Variants in CPNE6 observed in about 807,000 individuals in gnomAD.
CPNE6 encodes copine 6.
Under a neutral mutation model 71.5 loss-of-function variants are expected in CPNE6, and 33 were observed. The ratio of observed to expected loss-of-function variants is 0.46; its 90% confidence interval spans 0.35 to 0.62. The LOEUF (loss-of-function observed/expected upper bound fraction) is 0.62. CPNE6 is among the 20% of genes least tolerant of loss of function. The pLI is 0.00. For synonymous variants in CPNE6, 296 were observed against 293.0 expected, an observed-to-expected ratio of 1.01 and a Z score of -0.10; for missense variants, 576 against 747.3, an observed-to-expected ratio of 0.77 and a Z score of 2.67.
At position 24,074,578 on chromosome 14, in the gene CPNE6, C is replaced by T. The variant is rs143981627; in HGVS notation, c.546C>T (p.Asn182=). Residue 182 remains asparagine, a synonymous_variant, in exon 7 of 18, where the codon AAC becomes AAT. Transcript: ENST00000397016. This position sits in a 1 kb window ranked among gnomAD's most constrained non-coding sequence, Gnocchi z 4.5. ...CTTTCATGGAAATCTATAAGACCAA[C>T]GAGGACCAAAGTGATCAGCTGGTCT... The T allele has an allele frequency of 3.1e-3, 5,003 of 1,614,116 alleles. 76 individuals carry two copies. Among genetic ancestry groups the T allele is most frequent in the South Asian group, 0.031 (2,802 of 91,042 alleles).
In CPNE6 at chr14:24,077,801, G is replaced by A. The variant is rs891092524; in HGVS notation, c.*37+34G>A. 5.6e-5 allele frequency: 80 copies of A among 1,440,756 alleles called. No individual in the cohort carries two copies. Among genetic ancestry groups the A allele is most frequent in the Non-Finnish European group, 6.9e-5 (76 of 1,095,696 alleles). 89.2% of individuals were successfully genotyped at this position (1,440,756 alleles called of 1,614,324 possible). The stretch of plus-strand genomic sequence containing the variant: ...TGGGGCTTCCAAAGGAGTGGACACA[G>A]GGGGTGCAAAGTGGGGCTTGGTAGA... On this transcript the variant is annotated intron_variant, in intron 17 of 17. Coordinates refer to ENST00000397016, the Ensembl canonical transcript of CPNE6. This position sits in a 1 kb window ranked among gnomAD's most constrained non-coding sequence, Gnocchi z 6.1.
Position 24,074,897 on chromosome 14 carries a change from G to A in CPNE6, c.672+102G>A. ...CAAGCCTCCCTCCTCTCCCCCAAGT[G>A]ATAATCACATCCCACTGTGGGATAA... is the stretch of plus-strand genomic sequence containing the variant. On this transcript the variant is annotated intron_variant, in intron 8 of 17. Transcript: ENST00000397016. The surrounding 1 kb of genome is among the most constrained non-coding windows in gnomAD (Gnocchi z 4.5). 1 of 922,680 alleles carries A rather than the reference G, an allele frequency of 1.1e-6. No homozygotes were observed. The highest frequency in any genetic ancestry group is 1.7e-6 in the Non-Finnish European group (1 of 581,286). 57.2% of individuals were successfully genotyped at this position (922,680 alleles called of 1,614,324 possible). A position where few individuals can be genotyped will look rare whatever the true frequency, so the allele number is the denominator to read the frequency against.
rs201287113 is a variant in CPNE6, at chr14:24,074,060, C to T, written c.358C>T (p.Gln120Ter). The change falls in exon 5 of 18, where the codon CAA (glutamine) becomes TAA (stop). Residue 120 changes from glutamine (Q) to a stop codon, truncating the protein, a stop_gained. Transcript: ENST00000397016. LOFTEE classifies it high-confidence loss of function. This position sits in a 1 kb window ranked among gnomAD's most constrained non-coding sequence, Gnocchi z 4.5. ...CCACCTCCATCCCCAGATTGTGTCACAAACCAAGGTCACTAAGCCATTATT... is the reference window on the plus strand; with the variant it reads ...CCACCTCCATCCCCAGATTGTGTCATAAACCAAGGTCACTAAGCCATTATT... 1.2e-6 allele frequency: 2 copies of T among 1,614,160 alleles called. No homozygotes were observed. Among genetic ancestry groups the T allele is most frequent in the Non-Finnish European group, 1.7e-6 (2 of 1,180,018 alleles).
chr14:24,077,935 T>C lies in CPNE6; in HGVS notation c.*85T>C. Reference sequence around the variant, plus strand: ...CTCCAGTGACCAATGCCTCCACCTCTTGGACCAGGTGTGCCCCCTGGGTTC... The same window carrying C: ...CTCCAGTGACCAATGCCTCCACCTCCTGGACCAGGTGTGCCCCCTGGGTTC... On this transcript the variant is annotated 3_prime_UTR_variant, in exon 18 of 18. Coordinates refer to ENST00000397016, the Ensembl canonical transcript of CPNE6. The surrounding 1 kb of genome is among the most constrained non-coding windows in gnomAD (Gnocchi z 6.1). The C allele has an allele frequency of 2.0e-6, 1 of 493,574 alleles. No individual in the cohort carries two copies. The highest frequency in any genetic ancestry group is 3.4e-6 in the Non-Finnish European group (1 of 290,988). The allele number at this position is 493,574 out of a possible 1,614,324, so 30.6% of individuals were successfully genotyped here. A position where few individuals can be genotyped will look rare whatever the true frequency, so the allele number is the denominator to read the frequency against.
Position 24,073,708 on chromosome 14 carries a change from T to G in CPNE6, c.348+30T>G. ...GCATTCCCGGCCTCCCCGGCTACCC[T>G]ACCCTACCTCCATCAGCTTTGCCTC... On this transcript the variant is annotated intron_variant, in intron 4 of 17. Coordinates refer to ENST00000397016, the Ensembl canonical transcript of CPNE6. This position sits in a 1 kb window ranked among gnomAD's most constrained non-coding sequence, Gnocchi z 5.5. The G allele has an allele frequency of 6.3e-7, 1 of 1,593,450 alleles. No homozygotes were observed.
chr14:24,077,699 C>A lies in CPNE6; in HGVS notation c.1643C>A (p.Thr548Lys). ...AGCCCTGGGGCTCCCAGGCCCTGCACACTGGCTACGACTCCCAGCCCTAGC... is the reference window on the plus strand; with the variant it reads ...AGCCCTGGGGCTCCCAGGCCCTGCAAACTGGCTACGACTCCCAGCCCTAGC... Residue 548 changes from threonine to lysine, a missense_variant, in exon 17 of 18, where the codon ACA becomes AAA. Coordinates refer to ENST00000397016, the Ensembl canonical transcript of CPNE6. This position sits in a 1 kb window ranked among gnomAD's most constrained non-coding sequence, Gnocchi z 6.1. 6.4e-7 allele frequency: 1 copy of A among 1,557,954 alleles called. No homozygotes were observed. Among genetic ancestry groups the A allele is most frequent in the Non-Finnish European group, 8.7e-7 (1 of 1,154,518 alleles).
chr14:24,071,501 G>GGGCCCCCCCCCCC, intron 1 of CPNE6, 61 bp from the exon 1 acceptor site: 52 of 1,416,664 alleles, frequency 3.7e-5, no homozygotes, highest in Non-Finnish European at 4.2e-5. Context: ...CTGGTGCTGC[G>GGGCCCCCCCCCCC]CCCCCCCCCA....
chr14:24,075,591 G>A lies in CPNE6; in HGVS notation c.864G>A (p.Thr288=), dbSNP rs2036035417. 3 of 1,608,172 alleles carry A rather than the reference G, an allele frequency of 1.9e-6. No individual in the cohort carries two copies. Among genetic ancestry groups the A allele is most frequent in the South Asian group, 1.1e-5 (1 of 89,998 alleles). The change falls in exon 10 of 18, where the codon ACG becomes ACA. Residue 288 remains threonine (T), a splice_region_variant and synonymous_variant. Transcript: ENST00000397016. The surrounding 1 kb of genome is among the most constrained non-coding windows in gnomAD (Gnocchi z 4.3). ...GGACGGTAGTGCTGGCCCAGTGCAC[G>A]GTAAATTTCACTTCCTGCTTCAAGC...
Position 24,073,169 on chromosome 14 carries a change from TG to T in CPNE6, c.168+68del, listed in dbSNP as rs745815205. On this transcript the variant is annotated intron_variant, in intron 3 of 17. Coordinates refer to ENST00000397016, the Ensembl canonical transcript of CPNE6. This position sits in a 1 kb window ranked among gnomAD's most constrained non-coding sequence, Gnocchi z 5.5. ...AAGCTTGGGAAAGAGGGAGGCTGGGTGGGAGCAGTGAAAGCCTTGCAGGGAA... is the reference window on the plus strand; with the variant it reads ...AAGCTTGGGAAAGAGGGAGGCTGGGTGGAGCAGTGAAAGCCTTGCAGGGAA... The T allele has an allele frequency of 1.9e-5, 26 of 1,386,792 alleles. No homozygotes were observed. The South Asian group carries it at 4.4e-4, about 23-fold the overall frequency. The allele number at this position is 1,386,792 out of a possible 1,614,324, so 85.9% of individuals were successfully genotyped here.
intron 2 of CPNE6, 45 bp downstream of exon 1, chr14:24,071,686 C>T (rs1352985147): frequency 2.8e-6 from 2 of 719,754 alleles, no homozygotes; most frequent in East Asian, 2.7e-5. Flanking sequence ...CCCAGCCCAG[C>T]TTGGCCCAGT....
At chr14:24,076,203 C>A in exon 12 of CPNE6, 2 of 1,614,176 alleles carry the variant, frequency 1.2e-6, no homozygotes, top group Non-Finnish European at 1.7e-6. Context: ...CCAGTCCCTG[C>A]ACTGCCTCAG....
chr14:24,073,219 CT>C lies in CPNE6; in HGVS notation c.168+116del, dbSNP rs1368728557. 1 of 1,166,244 alleles carries C rather than the reference CT, an allele frequency of 8.6e-7. No individual in the cohort carries two copies. Among genetic ancestry groups the C allele is most frequent in the African/African-American group, 1.6e-5 (1 of 62,592 alleles). The allele number at this position is 1,166,244 out of a possible 1,614,324, so 72.2% of individuals were successfully genotyped here. On this transcript the variant is annotated intron_variant, in intron 3 of 17. Transcript: ENST00000397016. This position sits in a 1 kb window ranked among gnomAD's most constrained non-coding sequence, Gnocchi z 5.5. ...AAATGTGTGGACTCTGCGGCGCCTTCTCGAGGCCGCTTGGGTACCCTGGAGA... is the reference window on the plus strand; with the variant it reads ...AAATGTGTGGACTCTGCGGCGCCTTCCGAGGCCGCTTGGGTACCCTGGAGA...
rs2035967928 is a variant in CPNE6, at chr14:24,073,582, G to A, written c.252G>A (p.Lys84=). The change falls in exon 4 of 18, where the codon AAG becomes AAA. Residue 84 remains lysine, a synonymous_variant. Coordinates refer to ENST00000397016, the Ensembl canonical transcript of CPNE6. This position sits in a 1 kb window ranked among gnomAD's most constrained non-coding sequence, Gnocchi z 5.5. ...CCCTTGAGTATTTTTTTGAGGAGAAGCAGCCCCTGCAGTTCCACGTGTTCG... is the reference window on the plus strand; with the variant it reads ...CCCTTGAGTATTTTTTTGAGGAGAAACAGCCCCTGCAGTTCCACGTGTTCG... 2 of 1,613,892 alleles carry A rather than the reference G, an allele frequency of 1.2e-6. No individual in the cohort carries two copies. The highest frequency in any genetic ancestry group is 1.7e-6 in the Non-Finnish European group (2 of 1,180,042).
intron 1 of CPNE6, 53 bp from the exon 1 acceptor site, chr14:24,071,509 C>CA: frequency 6.7e-7 from 1 of 1,491,536 alleles, no homozygotes; most frequent in South Asian, 1.2e-5. Flanking sequence ...GCGCCCCCCC[C>CA]CACCCCTCCC....
rs775206596 is a variant in CPNE6 at position 24,077,553 on chromosome 14, C to G, written c.1537-40C>G. The stretch of plus-strand genomic sequence containing the variant: ...CTCAGATGACCCTGCCTCCCCTACT[C>G]TTCCTCTCACCCCTAACCACATCAC... On this transcript the variant is annotated intron_variant, in intron 16 of 17. Coordinates refer to ENST00000397016, the Ensembl canonical transcript of CPNE6. The surrounding 1 kb of genome is among the most constrained non-coding windows in gnomAD (Gnocchi z 6.1). The G allele has an allele frequency of 2.5e-5, 39 of 1,587,662 alleles. No homozygotes were observed. In the South Asian group the frequency reaches 4.4e-4, roughly 18 times the overall value.
intron 14 of CPNE6, 87 bp from the exon 14 acceptor site, chr14:24,076,792 G>A: frequency 6.3e-7 from 1 of 1,593,620 alleles, no homozygotes; most frequent in Middle Eastern, 1.7e-4. Context: ...GCAGTCCTCA[G>A]ACCTGGAAGC....
At position 24,077,391 on chromosome 14, in the gene CPNE6, G is replaced by A; in HGVS notation, c.1536+1G>A. The A allele has an allele frequency of 6.2e-7, 1 of 1,613,502 alleles. No homozygotes were observed. Among genetic ancestry groups the A allele is most frequent in the Non-Finnish European group, 8.5e-7 (1 of 1,179,604 alleles). On this transcript the variant is annotated splice_donor_variant, in intron 16 of 17. Coordinates refer to ENST00000397016, the Ensembl canonical transcript of CPNE6. LOFTEE classifies it high-confidence loss of function. This position sits in a 1 kb window ranked among gnomAD's most constrained non-coding sequence, Gnocchi z 6.1. ...CGTGCCCTTCCGAGACTTCAAGGAT[G>A]TGAGTCCCCCGGGCCCCTTCCGGCT...
chr14:24,073,619 G>A lies in CPNE6; in HGVS notation c.289G>A (p.Gly97Arg). The change falls in exon 4 of 18, where the codon GGA (glycine) becomes AGA (arginine). Residue 97 changes from glycine to arginine, a missense_variant. Gly to Arg is a moderately radical substitution (Grantham distance 125, BLOSUM62 -2). Transcript: ENST00000397016. The surrounding 1 kb of genome is among the most constrained non-coding windows in gnomAD (Gnocchi z 5.5). Reference sequence around the variant, plus strand: ...GTTCCACGTGTTCGATGCCGAGGACGGAGCCACCAGCCCCCGAAATGATAC... The same window carrying A: ...GTTCCACGTGTTCGATGCCGAGGACAGAGCCACCAGCCCCCGAAATGATAC... The A allele has an allele frequency of 5.6e-6, 9 of 1,613,974 alleles. No homozygotes were observed. The highest frequency in any genetic ancestry group is 7.6e-6 in the Non-Finnish European group (9 of 1,180,018).
chr14:24,075,792 C>A lies in CPNE6; in HGVS notation c.865-35C>A. ...CAAGCTCCCTCCTCAAAGGACCACC[C>A]CATCCCCTCGCCTTACCCCTCTCCC... On this transcript the variant is annotated intron_variant, in intron 10 of 17. Transcript: ENST00000397016. The surrounding 1 kb of genome is among the most constrained non-coding windows in gnomAD (Gnocchi z 4.3). 6.2e-7 allele frequency: 1 copy of A among 1,601,142 alleles called. No individual in the cohort carries two copies. The highest frequency in any genetic ancestry group is 8.6e-7 in the Non-Finnish European group (1 of 1,168,448).
Sources: gnomAD v4.1 joint callset for allele counts on GRCh38, gnomAD v4.1.1 for gene constraint, Gnocchi (gnomAD v3.1) non-coding constraint, MANE v1.5 for transcripts, NCBI Gene and HGNC (gene_info 2026-07-23, HGNC 2026-07-21) for gene names.